The following STAU2 variants were observed in gnomAD, a reference collection of about 807,000 sequenced individuals.
STAU2 encodes staufen double-stranded RNA binding protein 2.
A neutral mutation model predicts 65.9 loss-of-function variants in STAU2; 20 were observed. The observed-to-expected ratio is 0.30, with a 90% CI of 0.21 to 0.44. STAU2 has a LOEUF of 0.44. STAU2 is among the 20% of genes least tolerant of loss of function. The pLI, the probability that STAU2 is intolerant of heterozygous loss-of-function variation, is 1.00. For missense variants in STAU2, 558 were observed against 683.9 expected, an observed-to-expected ratio of 0.82 and a Z score of 2.05; for synonymous variants, 232 against 233.9, an observed-to-expected ratio of 0.99 and a Z score of 0.07.
intron 13 of STAU2, among the ~76,000 whole-genome samples, chr8:73,547,715 T>A (rs1009336283): frequency 6.6e-6 from 1 of 152,200 alleles, no homozygotes; most frequent in Non-Finnish European, 1.5e-5. Context: ...CACAAATGTG[T>A]TTTGCTCATT....
chr8:73,504,626 C>G (rs772325139), intron 13 of STAU2, among the ~76,000 whole-genome samples: 3 of 151,836 alleles, frequency 2.0e-5, no homozygotes, highest in Non-Finnish European at 4.4e-5. Flanking sequence ...ACTTTTGCCA[C>G]CTAGTGGGGG....
chr8:73,561,725 A>C, intron 12 of STAU2, among the ~76,000 whole-genome samples: 1 of 152,212 alleles, frequency 6.6e-6, no homozygotes, highest in East Asian at 1.9e-4. Context: ...ACGGCTCACA[A>C]TACAATAATA....
intron 5 of STAU2, among the ~76,000 whole-genome samples, chr8:73,681,649 G>A (rs375230503): frequency 6.6e-6 from 1 of 152,080 alleles, no homozygotes; most frequent in South Asian, 2.1e-4. Context: ...GAATGTAAAT[G>A]GCCTAAATGC....
chr8:73,470,181 T>C (rs1263816565), intron 13 of STAU2, among the ~76,000 whole-genome samples: 1 of 152,184 alleles, frequency 6.6e-6, no homozygotes, highest in Non-Finnish European at 1.5e-5. Flanking sequence ...TGGATTAGGT[T>C]GTTGGCCAGC....
At chr8:73,661,550 A>C (rs1224007157) in intron 6 of STAU2, among the ~76,000 whole-genome samples, 1 of 152,188 alleles carries the variant, frequency 6.6e-6, no homozygotes, top group Non-Finnish European at 1.5e-5. Flanking sequence ...CCAAAATGAA[A>C]ATACAGAACA....
intron 5 of STAU2, among the ~76,000 whole-genome samples, chr8:73,682,137 T>C (rs1818475291): frequency 6.6e-6 from 1 of 152,110 alleles, no homozygotes; most frequent in East Asian, 1.9e-4. Flanking sequence ...ATTTAACAGA[T>C]ATATACAGAA....
chr8:73,703,356 C>T (rs189237411), intron 4 of STAU2, among the ~76,000 whole-genome samples: 170 of 151,754 alleles, frequency 1.1e-3, no homozygotes, highest in Non-Finnish European at 2.1e-3. Context: ...CATCCTGAGG[C>T]CCCCCCAAAA....
At position 73,673,264 on chromosome 8, in the gene STAU2, A is replaced by C. The variant is rs367621351; in HGVS notation, c.275-22T>G. ...CTGCCTGTTTAAAAAAAAAACATTA[A>C]AGGCACACAAGTGAAATATCTTCAC... On this transcript the variant is annotated intron_variant, in intron 5 of 14. Transcript: ENST00000524300. 2.0e-6 allele frequency: 3 copies of C among 1,521,638 alleles called. No individual in the cohort carries two copies. In the African/African-American group the frequency reaches 4.2e-5, roughly 21 times the overall value. The allele number at this position is 1,521,638 out of a possible 1,614,324, so 94.3% of individuals were successfully genotyped here. A position where few individuals can be genotyped will look rare whatever the true frequency, so the allele number is the denominator to read the frequency against.
chr8:73,480,605 G>T (rs1437039961), intron 13 of STAU2, among the ~76,000 whole-genome samples: 14 of 152,058 alleles, frequency 9.2e-5, no homozygotes, highest in Non-Finnish European at 1.6e-4. Flanking sequence ...ATATAGCCAC[G>T]GGATGGTTAT....
Position 73,558,643 on chromosome 8 carries a change from G to C in STAU2, c.1223-6324C>G, listed in dbSNP as rs537784335. Among the ~76,000 whole-genome samples the C allele has an allele frequency of 2.6e-4, 39 of 152,242 alleles. No homozygotes were observed. The South Asian group carries it at 7.7e-3, about 30-fold the overall frequency. Reference sequence around the variant, plus strand: ...AGATAAGTGTTTGTGAGTAGCAAGTGGTATCAGAGGTATTAAAACACAGCA... The same window carrying C: ...AGATAAGTGTTTGTGAGTAGCAAGTCGTATCAGAGGTATTAAAACACAGCA... On this transcript the variant is annotated intron_variant, in intron 12 of 14. Coordinates refer to ENST00000524300, the MANE Select transcript of STAU2 (RefSeq NM_001164380.2).
At chr8:73,608,835 C>A (rs527306177) in intron 9 of STAU2, among the ~76,000 whole-genome samples, 128 of 151,778 alleles carry the variant, frequency 8.4e-4, no homozygotes, top group African/African-American at 3.0e-3. Context: ...ACTAAAAATA[C>A]AAAAATTAGT....
intron 12 of STAU2, among the ~76,000 whole-genome samples, chr8:73,554,036 A>T (rs1035608021): frequency 6.6e-6 from 1 of 152,078 alleles, no homozygotes; most frequent in African/African-American, 2.4e-5. Context: ...ACTGGAGAAG[A>T]TCCTAACCAA....
At chr8:73,523,944 C>T (rs762690949) in intron 13 of STAU2, among the ~76,000 whole-genome samples, 1 of 151,976 alleles carries the variant, frequency 6.6e-6, no homozygotes, top group Non-Finnish European at 1.5e-5. Flanking sequence ...CACTTTGGGA[C>T]GCTGAGGTGG....
At chr8:73,478,921 A>T (rs1390349130) in intron 13 of STAU2, among the ~76,000 whole-genome samples, 2 of 152,192 alleles carry the variant, frequency 1.3e-5, no homozygotes, top group Admixed American at 6.5e-5. Context: ...TTAATCAAAT[A>T]TCTACGACTT....
chr8:73,657,768 C>A (rs1393613882), intron 6 of STAU2, among the ~76,000 whole-genome samples: 1 of 152,126 alleles, frequency 6.6e-6, no homozygotes, highest in Non-Finnish European at 1.5e-5. Context: ...AATCCCAGCA[C>A]TTTGGGAGGC....
intron 9 of STAU2, among the ~76,000 whole-genome samples, chr8:73,612,821 G>A (rs1280545726): frequency 6.6e-6 from 1 of 152,146 alleles, no homozygotes; most frequent in Non-Finnish European, 1.5e-5. Flanking sequence ...ATCAGAAGAA[G>A]GCTGCTAAAT....
intron 12 of STAU2, among the ~76,000 whole-genome samples, chr8:73,577,346 G>A (rs1023934270): frequency 6.6e-6 from 1 of 151,140 alleles, no homozygotes; most frequent in Non-Finnish European, 1.5e-5. Context: ...GAGAGGGCAT[G>A]AACCCGGGAG....
chr8:73,598,169 T>C (rs1294477425), intron 10 of STAU2, among the ~76,000 whole-genome samples: 1 of 151,516 alleles, frequency 6.6e-6, no homozygotes, highest in Non-Finnish European at 1.5e-5. Context: ...AAATTCAAAC[T>C]AGAAATCGAC....
At chr8:73,636,133 T>C (rs1045934241) in intron 6 of STAU2, among the ~76,000 whole-genome samples, 11 of 152,102 alleles carry the variant, frequency 7.2e-5, no homozygotes, top group South Asian at 2.1e-4. Flanking sequence ...GGCGGGAAGA[T>C]TGCTTGAACC....
Sources: gnomAD v4.1 joint callset for allele counts (sites outside exome capture counted in the v4.1 genomes callset) on GRCh38, gnomAD v4.1.1 for gene constraint, MANE v1.5 for transcripts, NCBI Gene and HGNC (gene_info 2026-07-23, HGNC 2026-07-21) for gene names.